Variants in GABPB1 observed in about 807,000 individuals in gnomAD.
The protein encoded by GABPB1 is GA-binding protein subunit beta-1.
In GABPB1, 15 loss-of-function variants were observed where a neutral mutation model predicts 45.9. The observed-to-expected ratio is 0.33, with a 90% CI of 0.22 to 0.50. The LOEUF is 0.50. Among genes scored for constraint, GABPB1 ranks in the 20% least tolerant of loss-of-function variants. The pLI is 0.98. For synonymous variants in GABPB1, 143 were observed against 154.4 expected, an observed-to-expected ratio of 0.93 and a Z score of 0.55; for missense variants, 252 against 457.5, an observed-to-expected ratio of 0.55 and a Z score of 4.10.
chr15:50,345,343 G>T (rs2048526120), intron 1 of GABPB1, among the ~76,000 whole-genome samples: 1 of 152,228 alleles, frequency 6.6e-6, no homozygotes, highest in African/African-American at 2.4e-5. Flanking sequence ...TAGGAAAGTA[G>T]TAGTAAAAGA....
intron 1 of GABPB1, among the ~76,000 whole-genome samples, chr15:50,310,828 T>C (rs973657383): frequency 6.6e-6 from 1 of 151,686 alleles, no homozygotes; most frequent in African/African-American, 2.4e-5. Flanking sequence ...AAATAAAAAA[T>C]TGGCTGGGCA....
chr15:50,338,186 CGT>C (rs202242841), intron 1 of GABPB1, among the ~76,000 whole-genome samples: 2,311 of 150,492 alleles, frequency 0.015, 28 homozygotes, highest in Middle Eastern at 0.031. Flanking sequence ...ATTACAGGCA[CGT>C]GCCACCACAC....
intron 1 of GABPB1, among the ~76,000 whole-genome samples, chr15:50,319,589 G>A (rs1192429316): frequency 6.6e-6 from 1 of 152,170 alleles, no homozygotes; most frequent in Admixed American, 6.6e-5. Context: ...TATAATCCCA[G>A]CACTTTGGGA....
At chr15:50,307,009 T>C (rs990339659) in intron 2 of GABPB1, among the ~76,000 whole-genome samples, 2 of 152,194 alleles carry the variant, frequency 1.3e-5, no homozygotes, top group African/African-American at 4.8e-5. Flanking sequence ...TTATGAATAA[T>C]GTTGCTGCTA....
At chr15:50,313,771 A>C (rs1356125744) in intron 1 of GABPB1, among the ~76,000 whole-genome samples, 1 of 152,150 alleles carries the variant, frequency 6.6e-6, no homozygotes, top group Non-Finnish European at 1.5e-5. Flanking sequence ...AAATATTAAC[A>C]ATTGTTTAGG....
At position 50,275,536 on chromosome 15, in the gene GABPB1, A is replaced by C. The variant is rs962975996; in HGVS notation, c.*3096T>G. On this transcript the variant is annotated 3_prime_UTR_variant, in exon 9 of 9. Coordinates refer to ENST00000380877, the MANE Select transcript of GABPB1 (RefSeq NM_016654.5). Reference sequence around the variant, plus strand: ...TGATAAACCCATTGTAAAGTCAAACAATCATAAATCAAAGCATCATAAATT... The same window carrying C: ...TGATAAACCCATTGTAAAGTCAAACCATCATAAATCAAAGCATCATAAATT... 6.6e-6 allele frequency: 1 copy of C among 152,216 alleles called. No homozygotes were observed. The highest frequency in any genetic ancestry group is 1.5e-5 in the Non-Finnish European group (1 of 68,034). 9.4% of individuals were successfully genotyped at this position (152,216 alleles called of 1,614,324 possible).
chr15:50,319,634 G>A (rs1425925472), intron 1 of GABPB1, among the ~76,000 whole-genome samples: 3 of 152,054 alleles, frequency 2.0e-5, no homozygotes, highest in African/African-American at 4.8e-5. Context: ...TCAGGAGTTC[G>A]AGACCAGCCT....
intron 6 of GABPB1, among the ~76,000 whole-genome samples, chr15:50,296,530 A>G (rs1346345492): frequency 6.6e-6 from 1 of 152,226 alleles, no homozygotes; most frequent in Admixed American, 6.5e-5. Flanking sequence ...ACTGCATAGG[A>G]GAGATGGTAC....
intron 1 of GABPB1, chr15:50,314,764 G>A (rs1192947495): frequency 6.6e-6 from 1 of 152,192 alleles, no homozygotes; most frequent in Non-Finnish European, 1.5e-5. Flanking sequence ...TAAACAAAAC[G>A]TATTTTTCCA....
At chr15:50,354,909 G>A (rs1286913505) in intron 1 of GABPB1, 76 bp downstream of exon 1, 1 of 216,242 alleles carries the variant, frequency 4.6e-6, no homozygotes, top group Non-Finnish European at 9.2e-6. Flanking sequence ...CGGGGGAAGT[G>A]GAATTATTTT....
intron 1 of GABPB1, among the ~76,000 whole-genome samples, chr15:50,331,755 G>A (rs12902318): frequency 0.47 from 71,561 of 151,982 alleles, 18,267 homozygotes; most frequent in Middle Eastern, 0.65. Flanking sequence ...GGCACCTCAG[G>A]CCTGGATGAT....
At chr15:50,324,790 G>A (rs1262795225) in intron 1 of GABPB1, among the ~76,000 whole-genome samples, 3 of 151,866 alleles carry the variant, frequency 2.0e-5, no homozygotes, top group East Asian at 1.9e-4. Flanking sequence ...CAGGCAATTC[G>A]CCCGCCTTGG....
At chr15:50,340,563 A>C (rs1174085120) in intron 1 of GABPB1, among the ~76,000 whole-genome samples, 1 of 151,674 alleles carries the variant, frequency 6.6e-6, no homozygotes, top group East Asian at 1.9e-4. Context: ...AAAAAAAAAA[A>C]AAAAAAAACA....
At chr15:50,348,040 C>T (rs1453650670) in intron 1 of GABPB1, among the ~76,000 whole-genome samples, 2 of 24,608 alleles carry the variant, frequency 8.1e-5, no homozygotes, top group African/African-American at 1.3e-3. Context: ...GAAACTCCAT[C>T]TGGAAAAAAA....
intron 8 of GABPB1, among the ~76,000 whole-genome samples, chr15:50,283,272 A>T (rs1177046904): frequency 6.6e-6 from 1 of 152,118 alleles, no homozygotes; most frequent in Non-Finnish European, 1.5e-5. Context: ...TCCTCCAAAA[A>T]TATCTTCAAT....
At chr15:50,346,593 T>TTTG (rs1555517156) in intron 1 of GABPB1, among the ~76,000 whole-genome samples, 7 of 147,990 alleles carry the variant, frequency 4.7e-5, no homozygotes, top group Admixed American at 3.4e-4. Flanking sequence ...GAAAGTTTTT[T>TTTG]TTTTTTTTTT....
chr15:50,289,722 A>C, intron 6 of GABPB1, 54 bp from the exon 7 acceptor site: 2 of 1,388,784 alleles, frequency 1.4e-6, no homozygotes, highest in East Asian at 2.3e-5. Flanking sequence ...ATGAATAGAA[A>C]CCTATTTTTG....
intron 1 of GABPB1, among the ~76,000 whole-genome samples, chr15:50,320,201 CTT>C (rs566662940): frequency 6.6e-4 from 101 of 152,300 alleles, no homozygotes; most frequent in African/African-American, 2.3e-3. Flanking sequence ...GAGTTTCGCT[CTT>C]GTTGCCCAGG....
intron 1 of GABPB1, among the ~76,000 whole-genome samples, chr15:50,337,979 T>C (rs1385316757): frequency 6.6e-6 from 1 of 152,180 alleles, no homozygotes; most frequent in East Asian, 1.9e-4. Flanking sequence ...AATCAGATTC[T>C]GAAATATAAT....
Sources: allele counts gnomAD v4.1 joint callset (sites outside exome capture counted in the v4.1 genomes callset), GRCh38; gene constraint gnomAD v4.1.1; transcripts MANE v1.5; gene names NCBI Gene and HGNC (gene_info 2026-07-23, HGNC 2026-07-21).